The following PDE1C variants were observed in gnomAD, a reference collection of about 807,000 sequenced individuals.
PDE1C encodes the protein phosphodiesterase 1C, also known as dual specificity calcium/calmodulin-dependent 3',5'-cyclic nucleotide phosphodiesterase 1C.
PDE1C carries 62 observed loss-of-function variants against 93.1 expected under a neutral mutation model. The observed-to-expected ratio is 0.67, with a 90% CI of 0.54 to 0.82. The LOEUF is 0.82. PDE1C is among the 40% of genes least tolerant of loss of function. The probability of loss-of-function intolerance (pLI) is 0.00; values close to 1 mark genes in which losing one functional copy is unlikely to be tolerated. For synonymous variants in PDE1C, 325 were observed against 310.1 expected (o/e 1.05, Z -0.50); for missense variants, 742 against 884.6 (o/e 0.84, Z 2.04).
chr7:32,174,021 T>G (rs765857657), intron 2 of PDE1C, among the ~76,000 whole-genome samples: 10 of 152,288 alleles, frequency 6.6e-5, no homozygotes, highest in Non-Finnish European at 1.5e-4. Flanking sequence ...CTCAAACCCC[T>G]GAAAGACAAG....
rs186165075 is a variant in PDE1C at position 32,044,690 on chromosome 7, T to C, written c.128+6864A>G. 5.2e-4 allele frequency among the ~76,000 whole-genome samples: 79 copies of C among 152,170 alleles called. 4 individuals are homozygous for C. In the East Asian group the frequency reaches 0.01, roughly 19 times the overall value. On this transcript the variant is annotated intron_variant, in intron 2 of 17. Coordinates refer to ENST00000396191, the MANE Select transcript of PDE1C (RefSeq NM_001191057.4). ...AAGCCCACAATCCGTTAGGGACCCA[T>C]TGATCATGGGCAAAGAGGAAGAATA...
At chr7:31,643,810 C>T in the PDE1C span, 2 of 1,613,946 alleles carry the variant, frequency 1.2e-6, no homozygotes, top group South Asian at 1.1e-5. Context: ...TCACCACCCT[C>T]ACTGCCACGG....
intron 1 of PDE1C, among the ~76,000 whole-genome samples, chr7:32,361,762 G>A (rs909942282): frequency 7.2e-5 from 11 of 152,118 alleles, no homozygotes; most frequent in Non-Finnish European, 1.3e-4. Flanking sequence ...CAGTGACCAC[G>A]GTGCATCTCA....
At chr7:32,084,851 C>A (rs574195399) in intron 3 of PDE1C, among the ~76,000 whole-genome samples, 19 of 143,698 alleles carry the variant, frequency 1.3e-4, no homozygotes, top group Admixed American at 1.1e-3. Context: ...GCATTCAAAG[C>A]AGTGTGTAGA....
intron 3 of PDE1C, among the ~76,000 whole-genome samples, chr7:32,091,289 A>G (rs1797455568): frequency 6.6e-6 from 1 of 152,214 alleles, no homozygotes; most frequent in South Asian, 2.1e-4. Context: ...CTGTGCTTCA[A>G]TGAACTTTAG....
At chr7:32,050,732 A>G (rs1793240576) in intron 2 of PDE1C, among the ~76,000 whole-genome samples, 1 of 152,192 alleles carries the variant, frequency 6.6e-6, no homozygotes, top group South Asian at 2.1e-4. Flanking sequence ...CACCCTCTCC[A>G]TAGTCACAAC....
At chr7:31,744,906 G>C in the PDE1C span, among the ~76,000 whole-genome samples, 1 of 152,152 alleles carries the variant, frequency 6.6e-6, no homozygotes, top group African/African-American at 2.4e-5. Flanking sequence ...CTAAGGGCTG[G>C]AGCTGTGTTC....
intron 3 of PDE1C, among the ~76,000 whole-genome samples, chr7:32,125,288 A>G (rs149824123): frequency 0.01 from 1,552 of 152,332 alleles, 26 homozygotes; most frequent in African/African-American, 0.035. Context: ...AATTAGTTCA[A>G]TAATTATGGA....
At chr7:32,083,686 G>A (rs1305951727) in intron 3 of PDE1C, among the ~76,000 whole-genome samples, 4 of 152,140 alleles carry the variant, frequency 2.6e-5, no homozygotes, top group East Asian at 1.9e-4. Context: ...AAGAGAGTGG[G>A]GTCCAATATT....
At chr7:31,962,768 G>GC (rs780918632) in intron 2 of PDE1C, among the ~76,000 whole-genome samples, 2 of 152,174 alleles carry the variant, frequency 1.3e-5, no homozygotes, top group Non-Finnish European at 2.9e-5. Flanking sequence ...TTCCACTCCT[G>GC]CACATTAGAG....
intron 2 of PDE1C, among the ~76,000 whole-genome samples, chr7:32,177,279 C>T (rs1803062834): frequency 6.6e-6 from 1 of 152,140 alleles, no homozygotes; most frequent in Admixed American, 6.5e-5. Flanking sequence ...GAGAGGAGAA[C>T]ACGGAGAGTA....
At chr7:32,004,149 G>A (rs549558905) in intron 2 of PDE1C, among the ~76,000 whole-genome samples, 25 of 151,972 alleles carry the variant, frequency 1.6e-4, no homozygotes, top group Non-Finnish European at 2.9e-4. Flanking sequence ...TGCATCCCAA[G>A]ATCACTAGAA....
At chr7:31,657,862 AAAAG>A in the PDE1C span, among the ~76,000 whole-genome samples, 1 of 152,238 alleles carries the variant, frequency 6.6e-6, no homozygotes, top group African/African-American at 2.4e-5. Context: ...AAAATGAAAA[AAAAG>A]AAAAAGTAAA....
chr7:31,793,419 A>C (rs1327989025), intron 16 of PDE1C, among the ~76,000 whole-genome samples: 3 of 152,056 alleles, frequency 2.0e-5, no homozygotes, highest in Admixed American at 2.0e-4. Flanking sequence ...ACTATCACCT[A>C]AACTCAAAGA....
At chr7:31,729,592 A>G in the PDE1C span, among the ~76,000 whole-genome samples, 4 of 152,224 alleles carry the variant, frequency 2.6e-5, no homozygotes, top group African/African-American at 9.6e-5. Context: ...CTCTCAAGGA[A>G]GAGCCACTCA....
chr7:32,226,778 C>G (rs561773985), intron 1 of PDE1C, among the ~76,000 whole-genome samples: 49 of 152,280 alleles, frequency 3.2e-4, no homozygotes, highest in East Asian at 1.9e-3. Context: ...GCCGAAACAC[C>G]GAGTTACCAG....
intron 15 of PDE1C, among the ~76,000 whole-genome samples, chr7:31,811,545 G>T (rs895638969): frequency 6.6e-6 from 1 of 152,072 alleles, no homozygotes; most frequent in Non-Finnish European, 1.5e-5. Flanking sequence ...CTATTTTAAT[G>T]AAGCCAGAGA....
intron 2 of PDE1C, among the ~76,000 whole-genome samples, chr7:31,931,617 T>TG: frequency 6.6e-6 from 1 of 152,302 alleles, no homozygotes; most frequent in African/African-American, 2.4e-5. Context: ...AAACATTCCA[T>TG]GCTCATGGAT....
chr7:31,831,498 GCACA>G (rs56323846), intron 11 of PDE1C, among the ~76,000 whole-genome samples: 25 of 148,954 alleles, frequency 1.7e-4, no homozygotes, highest in Admixed American at 4.0e-4. Context: ...ACACATGCAC[GCACA>G]CACACACACA....
Sources: gnomAD v4.1 joint callset for allele counts (sites outside exome capture counted in the v4.1 genomes callset) on GRCh38, gnomAD v4.1.1 for gene constraint, MANE v1.5 for transcripts, NCBI Gene and HGNC (gene_info 2026-07-23, HGNC 2026-07-21) for gene names.